Variants in C11orf21 observed in about 807,000 individuals in gnomAD.
C11orf21 encodes chromosome 11 open reading frame 21, also known as uncharacterized protein C11orf21.
In C11orf21, 19 loss-of-function variants were observed where a neutral mutation model predicts 15.2. The observed-to-expected ratio is 1.25, with a 90% CI of 0.87 to 1.84. The LOEUF (loss-of-function observed/expected upper bound fraction) is 1.84. C11orf21 is among the 40% of genes most tolerant of loss of function. The pLI, the probability that C11orf21 is intolerant of heterozygous loss-of-function variation, is 0.00. For synonymous variants in C11orf21, 62 were observed against 66.8 expected, an observed-to-expected ratio of 0.93 and a Z score of 0.35; for missense variants, 171 against 174.4, an observed-to-expected ratio of 0.98 and a Z score of 0.11.
At chr11:2,298,504 G>A (rs933468121) in intron 3 of C11orf21, among the ~76,000 whole-genome samples, 2 of 152,214 alleles carry the variant, frequency 1.3e-5, no homozygotes, top group Admixed American at 6.5e-5. Context: ...CCATTAGGGG[G>A]AGGGTCCGAT....
At chr11:2,302,998 C>G, upstream of C11orf21, 6 of 1,569,980 alleles carry the variant, frequency 3.8e-6, no homozygotes, top group Non-Finnish European at 4.4e-6. Context: ...GGAGGGGCCT[C>G]GGGTGCAAGG....
chr11:2,301,989 C>T (rs1564952755), upstream of C11orf21: 23 of 1,494,952 alleles, frequency 1.5e-5, no homozygotes, highest in Middle Eastern at 3.7e-4. Flanking sequence ...GCCCTTCTTC[C>T]GGGGCACCCA....
In C11orf21 at chr11:2,299,711, G is replaced by A. The variant is rs1376087319; in HGVS notation, c.148-4C>T. 1.9e-6 allele frequency: 3 copies of A among 1,550,938 alleles called. No homozygotes were observed. In the East Asian group the frequency reaches 7.3e-5, roughly 38 times the overall value. On this transcript the variant is annotated splice_region_variant and splice_polypyrimidine_tract_variant and intron_variant, in intron 2 of 3. Transcript: ENST00000381153. The stretch of plus-strand genomic sequence containing the variant: ...GCATCATTGAGCCAGGGGCCTCCTG[G>A]TGGGTAAGGACATTGTAGAGTGAGC...
chr11:2,299,856 G>A (rs147517440), intron 2 of C11orf21, 149 bp from the exon 3 acceptor site: 7 of 709,984 alleles, frequency 9.9e-6, no homozygotes, highest in Admixed American at 3.4e-5. Context: ...GCCTGCACAC[G>A]CATCCATGCC....
At chr11:2,299,329 G>C in intron 3 of C11orf21, 99 bp downstream of exon 3, 1 of 1,291,264 alleles carries the variant, frequency 7.7e-7, no homozygotes, top group South Asian at 1.5e-5. Flanking sequence ...TCGCTGTGAC[G>C]CAGGTGGGAA....
chr11:2,301,535 C>T, intron 1 of C11orf21: 1 of 491,836 alleles, frequency 2.0e-6, no homozygotes, highest in Non-Finnish European at 3.6e-6. Context: ...ACCCCTGTGG[C>T]CCCAAGAAGG....
rs531280806 is a variant in C11orf21, at chr11:2,297,108, T to G, written c.*842A>C. The G allele has an allele frequency of 6.6e-6, 1 of 152,472 alleles. No homozygotes were observed. The highest frequency in any genetic ancestry group is 2.1e-4 in the South Asian group (1 of 4,834). 9.4% of individuals were successfully genotyped at this position (152,472 alleles called of 1,614,324 possible). On this transcript the variant is annotated 3_prime_UTR_variant, in exon 4 of 4. Coordinates refer to ENST00000381153, the MANE Select transcript of C11orf21 (RefSeq NM_001329958.2). Reference sequence around the variant, plus strand: ...AACTGGTCACCCAGAGAGCATGGGCTGCAGGGATGGCCCTGAGTAGGACAC... The same window carrying G: ...AACTGGTCACCCAGAGAGCATGGGCGGCAGGGATGGCCCTGAGTAGGACAC...
At chr11:2,302,040 G>A (rs1847780775), upstream of C11orf21, 2 of 1,494,838 alleles carry the variant, frequency 1.3e-6, no homozygotes, top group African/African-American at 2.8e-5. Flanking sequence ...CAGACAGAGG[G>A]GCGGATGCAG....
In C11orf21 at chr11:2,295,634, G is replaced by A. The variant is rs1415372931; in HGVS notation, c.*2316C>T. The A allele has an allele frequency of 2.0e-5, 3 of 152,174 alleles. No individual in the cohort carries two copies. The highest frequency in any genetic ancestry group is 2.9e-5 in the Non-Finnish European group (2 of 68,036). The allele number at this position is 152,174 out of a possible 1,614,324, so 9.4% of individuals were successfully genotyped here. On this transcript the variant is annotated 3_prime_UTR_variant, in exon 4 of 4. Transcript: ENST00000381153. This position sits in a 1 kb window ranked among gnomAD's most constrained non-coding sequence, Gnocchi z 5.4. ...TAAATGGAGCACAGACGGATTTTAGGGCAGTAAAATAATTCTGTGTGACAC... is the reference window on the plus strand; with the variant it reads ...TAAATGGAGCACAGACGGATTTTAGAGCAGTAAAATAATTCTGTGTGACAC...
upstream of C11orf21, chr11:2,302,992 G>A (rs775280827): frequency 4.4e-6 from 7 of 1,584,106 alleles, no homozygotes; most frequent in Admixed American, 8.4e-5. Context: ...GCATCGGGAG[G>A]GGCCTCGGGT....
At position 2,301,897 on chromosome 11, in the gene C11orf21, C is replaced by T; in HGVS notation, c.-89G>A. 1 of 1,544,920 alleles carries T rather than the reference C, an allele frequency of 6.5e-7. No individual in the cohort carries two copies. The highest frequency in any genetic ancestry group is 8.7e-7 in the Non-Finnish European group (1 of 1,145,378). On this transcript the variant is annotated 5_prime_UTR_variant, in exon 1 of 4. Transcript: ENST00000381153. Reference sequence around the variant, plus strand: ...GAAGGGCCTCAGATGTCAGCAAATGCCCTGGTGTCTTGGGCTGGGCTGGGG... The same window carrying T: ...GAAGGGCCTCAGATGTCAGCAAATGTCCTGGTGTCTTGGGCTGGGCTGGGG...
rs1308983521 is a variant in C11orf21, at chr11:2,299,517, G to A, written c.338C>T (p.Ala113Val). The part of the protein sequence containing the change: ...IRLGWDLDLE[A>V]GPSSGKLCPR... Reference sequence around the variant, plus strand: ...ACACAGCTTTCCAGAGGAGGGGCCTGCTTCTAAGTCCAAGTCCCATCCCAG... The same window carrying A: ...ACACAGCTTTCCAGAGGAGGGGCCTACTTCTAAGTCCAAGTCCCATCCCAG... Residue 113 changes from alanine (A) to valine (V), a missense_variant, in exon 3 of 4, where the codon GCA becomes GTA. Ala to Val is a moderately conservative substitution (Grantham distance 64, BLOSUM62 0). Transcript: ENST00000381153. 1.3e-6 allele frequency: 2 copies of A among 1,550,446 alleles called. No homozygotes were observed. Among genetic ancestry groups the A allele is most frequent in the Non-Finnish European group, 8.7e-7 (1 of 1,146,990 alleles).
chr11:2,299,845 C>G (rs544685054), intron 2 of C11orf21, 138 bp from the exon 3 acceptor site: 8 of 437,788 alleles, frequency 1.8e-5, no homozygotes, highest in African/African-American at 1.4e-4. Context: ...CACGCATCCA[C>G]GCCTGCACAC....
chr11:2,300,861 G>T, intron 1 of C11orf21: 1 of 1,188,010 alleles, frequency 8.4e-7, no homozygotes, highest in Non-Finnish European at 1.2e-6. Context: ...CCTGCCCCTA[G>T]ACCTGGTACC....
At chr11:2,301,019 A>T (rs1386112220) in intron 1 of C11orf21, 1 of 528,040 alleles carries the variant, frequency 1.9e-6, no homozygotes, top group Non-Finnish European at 3.4e-6. Context: ...TGGGGGCCAG[A>T]GCTGCAGAGG....
At chr11:2,300,440 TG>T in intron 2 of C11orf21, 79 bp downstream of exon 2, 1 of 865,890 alleles carries the variant, frequency 1.2e-6, no homozygotes, top group South Asian at 1.7e-5. Context: ...TGGGAGGGTG[TG>T]GCTCAGCAAA....
chr11:2,300,724 C>G (rs1236644033), intron 1 of C11orf21, 111 bp from the exon 2 acceptor site: 2 of 1,550,990 alleles, frequency 1.3e-6, no homozygotes, highest in African/African-American at 1.4e-5. Context: ...TGCTCCAGGC[C>G]CGCCTCACCA....
chr11:2,299,279 C>T (rs945839703), intron 3 of C11orf21, 149 bp downstream of exon 3: 23 of 806,460 alleles, frequency 2.9e-5, no homozygotes, highest in Admixed American at 1.2e-4. Flanking sequence ...TTCAGGTGCC[C>T]GCGTGGCCCC....
chr11:2,301,944 G>C (rs551319283), upstream of C11orf21: 1 of 1,512,010 alleles, frequency 6.6e-7, no homozygotes, highest in East Asian at 2.5e-5. Flanking sequence ...AGGTGGTGGG[G>C]GGAGCCAACC....
Sources: allele counts gnomAD v4.1 joint callset (sites outside exome capture counted in the v4.1 genomes callset), GRCh38; gene constraint gnomAD v4.1.1; non-coding constraint Gnocchi (gnomAD v3.1); transcripts MANE v1.5; gene names NCBI Gene and HGNC (gene_info 2026-07-23, HGNC 2026-07-21).